Variants in SDAD1 observed in about 807,000 individuals in gnomAD.
SDAD1 encodes SDA1 domain containing 1.
Under a neutral mutation model 100.3 loss-of-function variants are expected in SDAD1, and 79 were observed. The ratio of observed to expected loss-of-function variants is 0.79; its 90% CI spans 0.66 to 0.95. SDAD1 has a LOEUF of 0.95. Among genes scored for constraint, SDAD1 ranks in the 40% least tolerant of loss-of-function variants. The probability of loss-of-function intolerance (pLI) is 0.00; values close to 1 mark genes in which losing one functional copy is unlikely to be tolerated. For missense variants in SDAD1, 790 were observed against 810.9 expected, an observed-to-expected ratio of 0.97 and a Z score of 0.31; for synonymous variants, 267 against 271.4, an observed-to-expected ratio of 0.98 and a Z score of 0.16.
rs1403812482 is a variant in SDAD1, at chr4:75,971,362, G to A, written c.808C>T (p.Leu270Phe). ...TTTCCAGATACAAGTCCCACCTTGA[G>A]CACTTTCATTGCCTTTTCCAACTTT... is the stretch of plus-strand genomic sequence containing the variant. The part of the protein sequence containing the change: ...KKKLEKAMKV[L>F]KKQKKKKKPE... Residue 270 changes from leucine (L) to phenylalanine (F), a missense_variant, in exon 9 of 22, where the codon CTC becomes TTC. Leu to Phe is a conservative substitution (Grantham distance 22, BLOSUM62 0). Transcript: ENST00000356260. The A allele has an allele frequency of 6.2e-7, 1 of 1,609,490 alleles. No individual in the cohort carries two copies.
At chr4:75,987,588 GCCT>G (rs1250464648) in intron 1 of SDAD1, among the ~76,000 whole-genome samples, 1 of 151,882 alleles carries the variant, frequency 6.6e-6, no homozygotes, top group Non-Finnish European at 1.5e-5. Context: ...TGCAACCTCC[GCCT>G]CCCAGGTTCA....
At chr4:75,957,026 C>T (rs1417702038) in intron 20 of SDAD1, among the ~76,000 whole-genome samples, 1 of 152,204 alleles carries the variant, frequency 6.6e-6, no homozygotes, top group Non-Finnish European at 1.5e-5. Context: ...AGGAGAATCG[C>T]TTGAACCTAG....
intron 6 of SDAD1, among the ~76,000 whole-genome samples, chr4:75,974,869 G>A (rs906507548): frequency 1.3e-5 from 2 of 151,456 alleles, no homozygotes; most frequent in Non-Finnish European, 2.9e-5. Flanking sequence ...GTGAAACCCC[G>A]TCTCTACTAA....
chr4:75,981,657 T>C, intron 2 of SDAD1, 187 bp from the exon 3 acceptor site: 1 of 1,011,738 alleles, frequency 9.9e-7, no homozygotes, highest in South Asian at 1.5e-5. Context: ...TCTCTAGTCT[T>C]AGTAATATTT....
At position 75,950,309 on chromosome 4, in the gene SDAD1, A is replaced by T; in HGVS notation, c.*441T>A. 6.4e-6 allele frequency: 1 copy of T among 156,042 alleles called. No homozygotes were observed. Among genetic ancestry groups the T allele is most frequent in the East Asian group, 1.9e-4 (1 of 5,386 alleles). The allele number at this position is 156,042 out of a possible 1,614,324, so 9.7% of individuals were successfully genotyped here. A position where few individuals can be genotyped will look rare whatever the true frequency, so the allele number is the denominator to read the frequency against. ...TGTCTTATAAGAATATATAACTCCT[A>T]TCCTCACAGAGTTAGTCCATAAGGC... is the stretch of plus-strand genomic sequence containing the variant. On this transcript the variant is annotated 3_prime_UTR_variant, in exon 22 of 22. Coordinates refer to ENST00000356260, the MANE Select transcript of SDAD1 (RefSeq NM_018115.4).
At chr4:75,971,200 T>C (rs1729847062) in intron 9 of SDAD1, among the ~76,000 whole-genome samples, 157 bp downstream of exon 9, 1 of 152,220 alleles carries the variant, frequency 6.6e-6, no homozygotes, top group Admixed American at 6.5e-5. Flanking sequence ...GCTGAATACA[T>C]TTATTCATCT....
chr4:75,990,045 T>C (rs1229297552), intron 1 of SDAD1, among the ~76,000 whole-genome samples: 1 of 152,204 alleles, frequency 6.6e-6, no homozygotes, highest in African/African-American at 2.4e-5. Context: ...GTCAGATTAA[T>C]ATATCAAAAA....
rs1240695017 is a variant in SDAD1, at chr4:75,981,945, C to T, written c.183G>A (p.Met61Ile). 1 of 1,606,610 alleles carries T rather than the reference C, an allele frequency of 6.2e-7. No individual in the cohort carries two copies. Among genetic ancestry groups the T allele is most frequent in the Admixed American group, 1.7e-5 (1 of 59,456 alleles). The change falls in exon 2 of 22, where the codon ATG becomes ATA. Residue 61 changes from methionine to isoleucine, a missense_variant. Met to Ile is a conservative substitution (Grantham distance 10). Coordinates refer to ENST00000356260, the MANE Select transcript of SDAD1 (RefSeq NM_018115.4). ...ATTATATTCTTACCTGTGCCATAAA[C>T]ATCACCAGCTCTGCTAGTTCTTTGC... Reference protein sequence around the residue: ...KPSKELAELVMFMAQISHCYP... With the variant: ...KPSKELAELVIFMAQISHCYP...
At chr4:75,971,954 T>TC (rs1307975378) in intron 8 of SDAD1, among the ~76,000 whole-genome samples, 1 of 151,566 alleles carries the variant, frequency 6.6e-6, no homozygotes, top group Non-Finnish European at 1.5e-5. Context: ...TTTTTTTTTT[T>TC]TTGAGATGGA....
At chr4:75,974,812 C>A (rs554924831) in intron 6 of SDAD1, among the ~76,000 whole-genome samples, 1 of 151,994 alleles carries the variant, frequency 6.6e-6, no homozygotes, top group African/African-American at 2.4e-5. Context: ...GAGGCCGAAG[C>A]GGGTGGATCA....
chr4:75,962,325 T>C lies in SDAD1; in HGVS notation c.1182-1017A>G, dbSNP rs181776564. Among the ~76,000 whole-genome samples the C allele has an allele frequency of 9.8e-3, 1,486 of 152,330 alleles. 15 individuals are homozygous for C. Among genetic ancestry groups the C allele is most frequent in the Non-Finnish European group, 0.016 (1,085 of 68,026 alleles). On this transcript the variant is annotated intron_variant, in intron 14 of 21. Transcript: ENST00000356260. The stretch of plus-strand genomic sequence containing the variant: ...GTTGGACATTTGGGTTGGTTCCAAG[T>C]CTTTGCTATTGTGAATAGTGCTGCA...
intron 17 of SDAD1, among the ~76,000 whole-genome samples, chr4:75,958,861 G>A (rs1255590192): frequency 6.6e-6 from 1 of 151,206 alleles, no homozygotes; most frequent in Non-Finnish European, 1.5e-5. Flanking sequence ...CCTTTGGGAG[G>A]CTGAGGCGGG....
In SDAD1 at chr4:75,957,333, T is replaced by G. The variant is rs764582175; in HGVS notation, c.1846A>C (p.Thr616Pro). The change falls in exon 20 of 22, where the codon ACT becomes CCT. Residue 616 changes from threonine to proline, a missense_variant. Physicochemically the swap from Thr to Pro is conservative, Grantham distance 38. Transcript: ENST00000356260. Reference protein sequence around the residue: ...PKSDKETRLATAMAGKTDRKE... With the variant: ...PKSDKETRLAPAMAGKTDRKE... ...ATGATATGCTCACTCACCATTGCAG[T>G]TGCTAGTCTTGTCTCTTTGTCAGAC... The G allele has an allele frequency of 6.2e-7, 1 of 1,613,668 alleles. No homozygotes were observed. Among genetic ancestry groups the G allele is most frequent in the South Asian group, 1.1e-5 (1 of 90,992 alleles).
chr4:75,971,414 T>C lies in SDAD1; in HGVS notation c.756A>G (p.Thr252=). ...TARDLLVQYA[T]GKKSSKNKKK... is the part of the protein sequence containing the mutation. ...TCTTGTTTTTGGAACTTTTCTTCCC[T>C]GTAGCATATTGTACTAGCAGGTCTC... The change falls in exon 9 of 22, where the codon ACA becomes ACG. Residue 252 remains threonine, a synonymous_variant. Transcript: ENST00000356260. 1 of 1,614,106 alleles carries C rather than the reference T, an allele frequency of 6.2e-7. No homozygotes were observed. The highest frequency in any genetic ancestry group is 8.5e-7 in the Non-Finnish European group (1 of 1,179,978).
At chr4:75,974,436 T>C (rs1578136637) in intron 6 of SDAD1, among the ~76,000 whole-genome samples, 1 of 144,074 alleles carries the variant, frequency 6.9e-6, no homozygotes. Context: ...ACTGAGAAGA[T>C]CGGGGACAGT....
intron 1 of SDAD1, among the ~76,000 whole-genome samples, chr4:75,982,845 T>C (rs868743565): frequency 2.0e-5 from 3 of 151,582 alleles, no homozygotes; most frequent in African/African-American, 7.3e-5. Flanking sequence ...GTGCAGAATG[T>C]GCAGGTTTGT....
In SDAD1 at chr4:75,957,838, C is replaced by G; in HGVS notation, c.1578+9G>C. 1 of 1,613,990 alleles carries G rather than the reference C, an allele frequency of 6.2e-7. No homozygotes were observed. Among genetic ancestry groups the G allele is most frequent in the Non-Finnish European group, 8.5e-7 (1 of 1,179,876 alleles). On this transcript the variant is annotated intron_variant, in intron 18 of 21. Transcript: ENST00000356260. ...ACACCAGGTTATAAGATGAAATTTT[C>G]AGACTTACGATTTCTTGCTGTTCTT... is the stretch of plus-strand genomic sequence containing the variant.
Position 75,973,351 on chromosome 4 carries a change from T to G in SDAD1, c.677A>C (p.Glu226Ala), listed in dbSNP as rs763821645. Residue 226 changes from glutamate (E) to alanine (A), a missense_variant, in exon 8 of 22, where the codon GAA (glutamate) becomes GCA (alanine). By Grantham distance (107) the Glu-to-Ala change is moderately radical. Transcript: ENST00000356260. ...GGAGTCACTGTCCTGTTTTTCATCT[T>G]CATCTTTCCCAAGAAAGAATGTCAA... ...AALTFFLGKD[E>A]DEKQDSDSES... 5 of 1,613,796 alleles carry G rather than the reference T, an allele frequency of 3.1e-6. No individual in the cohort carries two copies. The highest frequency in any genetic ancestry group is 4.2e-6 in the Non-Finnish European group (5 of 1,179,832).
At chr4:75,958,942 C>A (rs1299007292) in intron 17 of SDAD1, among the ~76,000 whole-genome samples, 1 of 150,784 alleles carries the variant, frequency 6.6e-6, no homozygotes, top group Non-Finnish European at 1.5e-5. Flanking sequence ...CTAAAAAATA[C>A]AAAAAATTAG....
Sources: allele counts gnomAD v4.1 joint callset (sites outside exome capture counted in the v4.1 genomes callset), GRCh38; gene constraint gnomAD v4.1.1; transcripts MANE v1.5; gene names NCBI Gene and HGNC (gene_info 2026-07-23, HGNC 2026-07-21).